The following SLC15A3 variants were observed in gnomAD, a reference collection of about 807,000 sequenced individuals.
SLC15A3 encodes the protein solute carrier family 15 member 3, also known as osteoclast transporter.
SLC15A3 carries 39 observed loss-of-function variants against 49.2 expected under a neutral mutation model. The ratio of observed to expected loss-of-function variants is 0.79; its 90% CI spans 0.61 to 1.04. The LOEUF (loss-of-function observed/expected upper bound fraction) is 1.04, where lower values mean the gene tolerates loss of function less well. SLC15A3 is among the 50% of genes least tolerant of loss of function. The pLI is 0.00. For missense variants in SLC15A3, 758 were observed against 794.8 expected, an observed-to-expected ratio of 0.95 and a Z score of 0.56; for synonymous variants, 339 against 367.0, an observed-to-expected ratio of 0.92 and a Z score of 0.87.
At chr11:60,949,035 G>A (rs1323866707) in intron 1 of SLC15A3, among the ~76,000 whole-genome samples, 1 of 152,138 alleles carries the variant, frequency 6.6e-6, no homozygotes, top group Non-Finnish European at 1.5e-5. Flanking sequence ...TCAACAAGAA[G>A]TAAGAAACGG....
In SLC15A3 at chr11:60,939,008, G is replaced by A. The variant is rs531205717; in HGVS notation, c.1435+472C>T. ...GCTCCCAGCCCGGGGAAGGGGGTTG[G>A]GAGGGTGGGGAGCGAAGGACATAGA... On this transcript the variant is annotated intron_variant, in intron 6 of 7. Transcript: ENST00000227880. Among the ~76,000 whole-genome samples the A allele has an allele frequency of 1.0e-3, 158 of 152,360 alleles. 1 individual carries two copies. Among genetic ancestry groups the A allele is most frequent in the Middle Eastern group, 0.01 (3 of 294 alleles).
chr11:60,950,068 C>G (rs1240869093), intron 1 of SLC15A3, among the ~76,000 whole-genome samples: 1 of 152,254 alleles, frequency 6.6e-6, no homozygotes, highest in African/African-American at 2.4e-5. Context: ...GTGCCATGCT[C>G]TGTTCAAGGG....
In SLC15A3 at chr11:60,949,503, GGAAAGAAAGAAA is replaced by G. The variant is rs1205207226; in HGVS notation, c.558+1479_558+1490del. The stretch of plus-strand genomic sequence containing the variant: ...AAGAAAGGAAGAAAGAAAGAAAGAA[GGAAAGAAAGAAA>G]GAAAGAAAGAAAGAAAGAAAGAAAG... On this transcript the variant is annotated intron_variant, in intron 1 of 7. Transcript: ENST00000227880. Among the ~76,000 whole-genome samples the G allele has an allele frequency of 8.9e-3, 579 of 64,760 alleles. 12 individuals are homozygous for G. Among genetic ancestry groups the G allele is most frequent in the Middle Eastern group, 0.034 (4 of 116 alleles). 42.5% of individuals were successfully genotyped at this position (64,760 alleles called of 152,430 possible). A position where few individuals can be genotyped will look rare whatever the true frequency, so the allele number is the denominator to read the frequency against.
At chr11:60,946,868 CACTCTCTGTACCCAT>C (rs1306777312) in intron 1 of SLC15A3, 47 bp from the exon 2 acceptor site, 1 of 1,568,714 alleles carries the variant, frequency 6.4e-7, no homozygotes, top group East Asian at 2.2e-5. Flanking sequence ...GGGTCCGGGG[CACTCTCTGTACCCAT>C]ACCCCTCCCT....
intron 6 of SLC15A3, among the ~76,000 whole-genome samples, chr11:60,938,822 C>G (rs1044101505): frequency 4.6e-5 from 7 of 152,214 alleles, no homozygotes; most frequent in African/African-American, 1.7e-4. Flanking sequence ...ACTTCCACAG[C>G]ACTCCACTGG....
chr11:60,949,503 G>GGAAAGAAAGAAAGAAAGAAA (rs1205207226), intron 1 of SLC15A3, among the ~76,000 whole-genome samples: 20 of 64,770 alleles, frequency 3.1e-4, no homozygotes, highest in African/African-American at 2.7e-4. Flanking sequence ...AAAGAAAGAA[G>GGAAAGAAAGAAAGAAAGAAA]GAAAGAAAGA....
chr11:60,951,411 G>A lies in SLC15A3; in HGVS notation c.141C>T (p.Ala47=), dbSNP rs1459183469. ...AVLLVEMLER[A]AFFGVTANLV... ...GGTTGGCGGTGACGCCGAAGAAGGC[G>A]GCGCGCTCCAGCATCTCCACCAGCA... The change falls in exon 1 of 8, where the codon GCC becomes GCT. Residue 47 remains alanine, a synonymous_variant. Coordinates refer to ENST00000227880, the MANE Select transcript of SLC15A3 (RefSeq NM_016582.3). 7.8e-6 allele frequency: 12 copies of A among 1,530,382 alleles called. No individual in the cohort carries two copies. In the African/African-American group the frequency reaches 1.6e-4, roughly 20 times the overall value. The allele number at this position is 1,530,382 out of a possible 1,614,324, so 94.8% of individuals were successfully genotyped here.
chr11:60,939,630 C>T lies in SLC15A3; in HGVS notation c.1285G>A (p.Glu429Lys). The stretch of plus-strand genomic sequence containing the variant: ...TGGATGTAGTGTAAGCGCTCCATCT[C>T]CAGGACTCCTGGTGGAGGAGCAGAG... ...FTSVIVAGVLEMERLHYIHHN... is the reference protein window; with the variant it reads ...FTSVIVAGVLKMERLHYIHHN... The change falls in exon 6 of 8, where the codon GAG becomes AAG. Residue 429 changes from glutamate (E) to lysine (K), a missense_variant. By Grantham distance (56) the Glu-to-Lys change is moderately conservative. This residue lies in a region of SLC15A3 where 699 missense variants were observed against 706.7 expected (regional missense o/e 0.99). Transcript: ENST00000227880. 6.2e-7 allele frequency: 1 copy of T among 1,614,066 alleles called. No homozygotes were observed.
intron 5 of SLC15A3, 108 bp downstream of exon 5, chr11:60,941,014 G>T: frequency 7.8e-7 from 1 of 1,284,008 alleles, no homozygotes; most frequent in Non-Finnish European, 1.0e-6. Flanking sequence ...GACGCCCACT[G>T]GGAGAGGCTG....
rs1165635321 is a variant in SLC15A3 at position 60,938,311 on chromosome 11, T to C, written c.1436-286A>G. Among the ~76,000 whole-genome samples, 7 of 152,182 alleles carry C rather than the reference T, an allele frequency of 4.6e-5. 1 individual carries two copies. Among genetic ancestry groups the C allele is most frequent in the Admixed American group, 4.6e-4 (7 of 15,290 alleles). ...CTTCCTGCCAGGTCTATCATTTCAG[T>C]GACAGCACCATCTTTACCTCCTCTC... On this transcript the variant is annotated intron_variant, in intron 6 of 7. Coordinates refer to ENST00000227880, the MANE Select transcript of SLC15A3 (RefSeq NM_016582.3).
chr11:60,951,525 C>T lies in SLC15A3; in HGVS notation c.27G>A (p.Gln9=). The T allele has an allele frequency of 8.4e-7, 1 of 1,183,524 alleles. No homozygotes were observed. Among genetic ancestry groups the T allele is most frequent in the Non-Finnish European group, 1.0e-6 (1 of 954,590 alleles). 73.3% of individuals were successfully genotyped at this position (1,183,524 alleles called of 1,614,324 possible). MPAPRARE[Q]PRVPGERQPL... ...GCTGGCGCTCCCCGGGCACGCGGGG[C>T]TGCTCCCGGGCGCGCGGCGCGGGCA... The change falls in exon 1 of 8, where the codon CAG becomes CAA. Residue 9 remains glutamine (Q), a synonymous_variant. Transcript: ENST00000227880.
chr11:60,950,963 A>G (rs1371396212), intron 1 of SLC15A3, 31 bp downstream of exon 1: 14 of 1,407,252 alleles, frequency 9.9e-6, no homozygotes, highest in Non-Finnish European at 1.2e-5. Flanking sequence ...CACCCGCCGG[A>G]GTATGCCGGG....
chr11:60,942,069 G>T lies in SLC15A3; in HGVS notation c.1073C>A (p.Ser358Tyr). ...GCTGCCCTGGGCTCTCAGGGCCACAGAGATGTTGGCCGGGTTGGCTGGGAA... is the reference window on the plus strand; with the variant it reads ...GCTGCCCTGGGCTCTCAGGGCCACATAGATGTTGGCCGGGTTGGCTGGGAA... ...NIFPANPANI[S>Y]VALRAQGSSY... is the part of the protein sequence containing the mutation. Residue 358 changes from serine to tyrosine, a missense_variant, in exon 4 of 8, where the codon TCT becomes TAT. This residue lies in a region of SLC15A3 where 699 missense variants were observed against 706.7 expected (regional missense o/e 0.99). Transcript: ENST00000227880. 1.2e-6 allele frequency: 2 copies of T among 1,614,162 alleles called. No homozygotes were observed. The highest frequency in any genetic ancestry group is 1.1e-5 in the South Asian group (1 of 91,076).
chr11:60,938,138 C>A, intron 6 of SLC15A3, 113 bp from the exon 7 acceptor site: 2 of 1,275,944 alleles, frequency 1.6e-6, no homozygotes, highest in Non-Finnish European at 2.1e-6. Flanking sequence ...CTCCAGGCTT[C>A]CCCTGGATGC....
intron 3 of SLC15A3, 78 bp from the exon 4 acceptor site, chr11:60,942,223 G>T (rs1317374749): frequency 1.5e-5 from 18 of 1,217,948 alleles, no homozygotes; most frequent in Non-Finnish European, 8.5e-6. Context: ...ATTCCTCAGC[G>T]CCGTACCACA....
chr11:60,951,748 A>C lies in SLC15A3; in HGVS notation c.-197T>G, dbSNP rs1856929692. 1 of 227,714 alleles carries C rather than the reference A, an allele frequency of 4.4e-6. No homozygotes were observed. 14.1% of individuals were successfully genotyped at this position (227,714 alleles called of 1,614,324 possible). ...TACCCTTCCTGTCCCTCCGCTCACT[A>C]CCCGGACTCTACCACCTCCTCCCTA... On this transcript the variant is annotated 5_prime_UTR_variant, in exon 1 of 8. Transcript: ENST00000227880.
intron 1 of SLC15A3, among the ~76,000 whole-genome samples, chr11:60,948,835 C>T (rs1856842894): frequency 6.6e-6 from 1 of 152,140 alleles, no homozygotes; most frequent in Non-Finnish European, 1.5e-5. Context: ...GTGGCCTGGC[C>T]TCCAGAAGAT....
chr11:60,951,678 G>A lies in SLC15A3; in HGVS notation c.-127C>T. The A allele has an allele frequency of 1.5e-6, 1 of 688,408 alleles. No homozygotes were observed. Among genetic ancestry groups the A allele is most frequent in the Non-Finnish European group, 1.8e-6 (1 of 567,392 alleles). 42.6% of individuals were successfully genotyped at this position (688,408 alleles called of 1,614,324 possible). ...AACTGGCTGGCCCTCCTTTCTCACC[G>A]CTTTGGCCCACCCTTCCCTCCTGTC... On this transcript the variant is annotated 5_prime_UTR_variant, in exon 1 of 8. Transcript: ENST00000227880.
rs762822086 is a variant in SLC15A3 at position 60,937,343 on chromosome 11, T to C, written c.1622A>G (p.Tyr541Cys). ...CTGAATGCCAGCCAGCAGGAAGAAGTAGAGGTCCATCCGGCAATTGTTGAT... is the reference window on the plus strand; with the variant it reads ...CTGAATGCCAGCCAGCAGGAAGAAGCAGAGGTCCATCCGGCAATTGTTGAT... Reference protein sequence around the residue: ...GNINNCRMDLYFFLLAGIQAV... With the variant: ...GNINNCRMDLCFFLLAGIQAV... Residue 541 changes from tyrosine to cysteine, a missense_variant, in exon 8 of 8, where the codon TAC (tyrosine) becomes TGC (cysteine). Transcript: ENST00000227880. The C allele has an allele frequency of 7.4e-6, 12 of 1,613,924 alleles. No individual in the cohort carries two copies. The highest frequency in any genetic ancestry group is 2.2e-5 in the East Asian group (1 of 44,868).
Sources: gnomAD v4.1 joint callset for allele counts (sites outside exome capture counted in the v4.1 genomes callset) on GRCh38, gnomAD v4.1.1 for gene constraint, gnomAD v4.1.1 regional missense constraint, MANE v1.5 for transcripts, NCBI Gene and HGNC (gene_info 2026-07-23, HGNC 2026-07-21) for gene names.